The following HEATR1 variants were observed in gnomAD, a reference collection of about 807,000 sequenced individuals.
HEATR1 encodes HEAT repeat-containing protein 1.
Under a neutral mutation model 248.2 loss-of-function variants are expected in HEATR1, and 77 were observed. That is an observed-to-expected ratio of 0.31 (90% CI 0.26 to 0.37). HEATR1 has a LOEUF of 0.37. HEATR1 is among the 10% of genes least tolerant of loss of function. The pLI, the probability that HEATR1 is intolerant of heterozygous loss-of-function variation, is 1.00. For missense variants in HEATR1, 2,420 were observed against 2,504.9 expected, an observed-to-expected ratio of 0.97 and a Z score of 0.72; for synonymous variants, 897 against 923.1, an observed-to-expected ratio of 0.97 and a Z score of 0.51.
In HEATR1 at chr1:236,549,092, C is replaced by T. The variant is rs1436518552; in HGVS notation, c.*1810G>A. On this transcript the variant is annotated 3_prime_UTR_variant, in exon 45 of 45. Coordinates refer to ENST00000366582, the MANE Select transcript of HEATR1 (RefSeq NM_018072.6). Reference sequence around the variant, plus strand: ...AAGGCAGGCACTATCAGAAAGTGTACGCCAACTAAGGGACCCACAAAGCAG... The same window carrying T: ...AAGGCAGGCACTATCAGAAAGTGTATGCCAACTAAGGGACCCACAAAGCAG... The T allele has an allele frequency of 1.5e-5, 6 of 397,840 alleles. No individual in the cohort carries two copies. Among genetic ancestry groups the T allele is most frequent in the East Asian group, 3.6e-5 (1 of 28,062 alleles). The allele number at this position is 397,840 out of a possible 1,614,324, so 24.6% of individuals were successfully genotyped here.
Position 236,559,718 on chromosome 1 carries a change from T to C in HEATR1, c.4766A>G (p.Asp1589Gly). 6.2e-6 allele frequency: 10 copies of C among 1,608,804 alleles called. No homozygotes were observed. Among genetic ancestry groups the C allele is most frequent in the Non-Finnish European group, 8.5e-6 (10 of 1,177,178 alleles). Residue 1589 changes from aspartate (D) to glycine (G), a missense_variant, in exon 34 of 45, where the codon GAT becomes GGT. Transcript: ENST00000366582. ...CAGGGAGAAATGAACACCTACCTTA[T>C]CTAACAGGTCGTAAGCTTTACTAAG... ...ALLSKAYDLL[D>G]KVNALLPTET...
At chr1:236,593,584 GAAAAA>G (rs534009257) in intron 9 of HEATR1, among the ~76,000 whole-genome samples, 4,309 of 90,920 alleles carry the variant, frequency 0.047, 125 homozygotes, top group East Asian at 0.28. Flanking sequence ...CCCATTAAGA[GAAAAA>G]AAAAAAAAAA....
Position 236,582,799 on chromosome 1 carries a change from A to G in HEATR1, c.2499T>C (p.Phe833=). ...CATCGGCACCATTGAGCATCATCTC[A>G]AACAGCCCAATGAGCAAGTGCAGAT... is the stretch of plus-strand genomic sequence containing the variant. ...RDYLHLLIGL[F]EMMLNGADAV... Residue 833 remains phenylalanine, a synonymous_variant, in exon 19 of 45, where the codon TTT becomes TTC. Transcript: ENST00000366582. The G allele has an allele frequency of 6.2e-7, 1 of 1,612,156 alleles. No individual in the cohort carries two copies.
intron 32 of HEATR1, among the ~76,000 whole-genome samples, chr1:236,563,991 G>A (rs1663205163): frequency 6.6e-6 from 1 of 152,144 alleles, no homozygotes; most frequent in South Asian, 2.1e-4. Context: ...GGTGGCACAC[G>A]CCTGTAGTCC....
chr1:236,580,525 T>TTTTTTC (rs1663691337), intron 20 of HEATR1, among the ~76,000 whole-genome samples: 5 of 150,130 alleles, frequency 3.3e-5, no homozygotes, highest in Admixed American at 3.3e-4. Flanking sequence ...AGCCCTTTTT[T>TTTTTTC]TTTTTTTTTG....
intron 30 of HEATR1, 134 bp downstream of exon 30, chr1:236,566,512 G>A: frequency 1.4e-6 from 1 of 705,882 alleles, no homozygotes. Context: ...AAACCTTTTT[G>A]AAAAAGGTTC....
chr1:236,558,577 G>A (rs548888250), intron 35 of HEATR1, 48 bp from the exon 36 acceptor site: 4 of 1,546,246 alleles, frequency 2.6e-6, no homozygotes, highest in Admixed American at 1.9e-5. Flanking sequence ...TGCAAAAAAT[G>A]TTTGTCCATT....
intron 22 of HEATR1, 33 bp downstream of exon 22, chr1:236,576,186 C>G: frequency 6.6e-7 from 1 of 1,505,340 alleles, no homozygotes; most frequent in South Asian, 1.4e-5. Flanking sequence ...AGTAACATCA[C>G]AGGAATGTAC....
chr1:236,582,066 A>G (rs1388456005), intron 19 of HEATR1, among the ~76,000 whole-genome samples: 1 of 152,124 alleles, frequency 6.6e-6, no homozygotes, highest in Non-Finnish European at 1.5e-5. Context: ...TTTACATTAT[A>G]AACTGTCATA....
intron 3 of HEATR1, 113 bp downstream of exon 3, chr1:236,603,047 A>C (rs1664367595): frequency 1.4e-6 from 1 of 704,170 alleles, no homozygotes; most frequent in Non-Finnish European, 2.4e-6. Context: ...CATTGTATCA[A>C]TCTCTTAATA....
At chr1:236,573,524 T>C (rs1003345312) in intron 24 of HEATR1, among the ~76,000 whole-genome samples, 2 of 114,010 alleles carry the variant, frequency 1.8e-5, no homozygotes, top group African/African-American at 2.8e-5. Context: ...TATTAGATAA[T>C]ACCAAGGAAT....
intron 32 of HEATR1, among the ~76,000 whole-genome samples, chr1:236,562,929 AATATTAT>A (rs55667348): frequency 0.48 from 72,496 of 150,224 alleles, 20,786 homozygotes; most frequent in Non-Finnish European, 0.64. Context: ...GAGGAATAAC[AATATTAT>A]ATAACAGTGG....
At chr1:236,598,117 GTGA>G (rs376638136) in intron 4 of HEATR1, 138 bp from the exon 5 acceptor site, 1 of 531,356 alleles carries the variant, frequency 1.9e-6, no homozygotes, top group Middle Eastern at 3.2e-4. Flanking sequence ...ACTGGTGGTG[GTGA>G]TGAAATTAAC....
intron 19 of HEATR1, among the ~76,000 whole-genome samples, chr1:236,582,281 T>G (rs1170809435): frequency 4.6e-5 from 7 of 152,032 alleles, no homozygotes; most frequent in Non-Finnish European, 1.0e-4. Flanking sequence ...ATTTTTTTTG[T>G]ATTTTTCGTA....
chr1:236,574,585 T>C (rs1423213229), intron 23 of HEATR1, 76 bp downstream of exon 23: 1 of 1,435,558 alleles, frequency 7.0e-7, no homozygotes. Flanking sequence ...TTTTTTTTTT[T>C]AACGCTGTTC....
intron 31 of HEATR1, among the ~76,000 whole-genome samples, chr1:236,565,085 TACCACATAC>T (rs915718055): frequency 4.6e-5 from 7 of 151,608 alleles, no homozygotes; most frequent in South Asian, 2.1e-4. Context: ...TCACCACATA[TACCACATAC>T]ACCACATACT....
intron 41 of HEATR1, 72 bp downstream of exon 41, chr1:236,555,224 G>C (rs6668848): frequency 0.6 from 901,960 of 1,494,092 alleles, 280,992 homozygotes; most frequent in Non-Finnish European, 0.65. Context: ...CAAGCACTAG[G>C]TTGTGTCTTA....
chr1:236,587,852 T>C, intron 13 of HEATR1, 96 bp downstream of exon 13: 3 of 832,684 alleles, frequency 3.6e-6, no homozygotes, highest in Non-Finnish European at 5.6e-6. Flanking sequence ...GGAAAAATAA[T>C]TTCCAAAAAT....
At chr1:236,553,507 T>C in intron 43 of HEATR1, 74 bp downstream of exon 43, 1 of 1,459,984 alleles carries the variant, frequency 6.8e-7, no homozygotes. Flanking sequence ...GGCCTACATC[T>C]GTGACCACCT....
Sources: allele counts gnomAD v4.1 joint callset (sites outside exome capture counted in the v4.1 genomes callset), GRCh38; gene constraint gnomAD v4.1.1; transcripts MANE v1.5; gene names NCBI Gene and HGNC (gene_info 2026-07-23, HGNC 2026-07-21).